TTN: variants seen among roughly 807,000 people sequenced by gnomAD.
The protein encoded by TTN is titin, also known as connectin.
TTN carries 1,525 observed loss-of-function variants against 3,223.0 expected under a neutral mutation model. The observed-to-expected ratio is 0.47, with a 90% CI of 0.45 to 0.49. TTN has a LOEUF of 0.49. Among genes scored for constraint, TTN ranks in the 20% least tolerant of loss-of-function variants. The pLI is 0.00. For missense variants in TTN, 40,786 were observed against 43,424.0 expected (o/e 0.94, Z 5.40); for synonymous variants, 14,094 against 15,161.0 (o/e 0.93, Z 5.17).
chr2:178,591,969 G>A lies in TTN; in HGVS notation c.59926+9C>T, dbSNP rs1213319410. 6.2e-7 allele frequency: 1 copy of A among 1,609,142 alleles called. No homozygotes were observed. The highest frequency in any genetic ancestry group is 8.5e-7 in the Non-Finnish European group (1 of 1,178,626). On this transcript the variant is annotated intron_variant, in intron 302 of 362. Coordinates refer to ENST00000589042, the MANE Select transcript of TTN (RefSeq NM_001267550.2). ...AACAATAGTTTTGTATTCAGAGAAA[G>A]CAACTTACGGAGAGGATCCAAAGCC...
At position 178,610,324 on chromosome 2, in the gene TTN, A is replaced by T. The variant is rs2056011998; in HGVS notation, c.51202T>A (p.Trp17068Arg). The stretch of plus-strand genomic sequence containing the variant: ...CCACCATCAAATTCTGGAGGTTCCC[A>T]AGTTAACTTACAAGAACTCTTGGTA... ...DITKSSCKLT[W>R]EPPEFDGGTP... is the part of the protein sequence containing the mutation. The change falls in exon 271 of 363, where the codon TGG (tryptophan) becomes AGG (arginine). Residue 17068 changes from tryptophan (W) to arginine (R), a missense_variant. Transcript: ENST00000589042. 6.2e-7 allele frequency: 1 copy of T among 1,612,882 alleles called. No homozygotes were observed. The highest frequency in any genetic ancestry group is 2.2e-5 in the East Asian group (1 of 44,710).
chr2:178,614,177 TC>T lies in TTN; in HGVS notation c.49219del (p.Asp16407IlefsTer9). 1 of 1,612,496 alleles carries T rather than the reference TC, an allele frequency of 6.2e-7. No individual in the cohort carries two copies. The highest frequency in any genetic ancestry group is 1.3e-5 in the African/African-American group (1 of 74,952). Reference sequence around the variant, plus strand: ...TAATTTGGTGGCCTTGAAGTTTGTATCCTTGACGGTGGATGAGAGCTTGTGC... The same window carrying T: ...TAATTTGGTGGCCTTGAAGTTTGTATCTTGACGGTGGATGAGAGCTTGTGC... Reference protein sequence around the residue: ...VWHKLSSTVKDTNFKATKLIP... With the variant: ...VWHKLSSTVKXTNFKATKLIP... On this transcript the variant is annotated frameshift_variant, in exon 262 of 363. Transcript: ENST00000589042. LOFTEE classifies it high-confidence loss of function.
At chr2:178,790,977 G>A (rs1399131559) in intron 10 of TTN, 132 bp from the exon 11 acceptor site, 1 of 1,141,396 alleles carries the variant, frequency 8.8e-7, no homozygotes, top group Non-Finnish European at 1.3e-6. Flanking sequence ...CCATTTCAGG[G>A]GCCTACACTT....
In TTN at chr2:178,563,611, T is replaced by C; in HGVS notation, c.82521A>G (p.Glu27507=). The change falls in exon 326 of 363, where the codon GAA becomes GAG. Residue 27507 remains glutamate, a synonymous_variant. Transcript: ENST00000589042. This position sits in a 1 kb window ranked among gnomAD's most constrained non-coding sequence, Gnocchi z 4.5. The part of the protein sequence containing the change: ...GGTEIEGYIL[E]KRDKEGVRWT... ...ATCTAACGCCTTCCTTATCTCGTTT[T>C]TCAAGAATGTAGCCCTCAATTTCGG... is the stretch of plus-strand genomic sequence containing the variant. 2 of 1,613,778 alleles carry C rather than the reference T, an allele frequency of 1.2e-6. No individual in the cohort carries two copies. Among genetic ancestry groups the C allele is most frequent in the Admixed American group, 1.7e-5 (1 of 59,996 alleles).
In TTN at chr2:178,689,128, G is replaced by C. The variant is rs766003250; in HGVS notation, c.32020C>G (p.Leu10674Val). The C allele has an allele frequency of 4.2e-5, 67 of 1,604,480 alleles. No homozygotes were observed. In the East Asian group the frequency reaches 1.2e-3, roughly 29 times the overall value. Residue 10674 changes from leucine (L) to valine (V), a missense_variant, in exon 125 of 363, where the codon CTG (leucine) becomes GTG (valine). Transcript: ENST00000589042. Reference sequence around the variant, plus strand: ...TCCTCTGGGACGGGTTTCTTAGGCAGAGCTGGCACTTTAGAGACATTATGC... The same window carrying C: ...TCCTCTGGGACGGGTTTCTTAGGCACAGCTGGCACTTTAGAGACATTATGC... Reference protein sequence around the residue: ...EVPPPPKVPALPKKPVPEEKV... With the variant: ...EVPPPPKVPAVPKKPVPEEKV...
chr2:178,559,930 A>G lies in TTN; in HGVS notation c.86202T>C (p.Ser28734=), dbSNP rs1289956203. The G allele has an allele frequency of 6.2e-7, 1 of 1,613,800 alleles. No homozygotes were observed. The highest frequency in any genetic ancestry group is 1.7e-4 in the Middle Eastern group (1 of 6,058). ...RVKSVNKVGA[S]DPSDSSDPQI... is the part of the protein sequence containing the mutation. ...GAGGGTCAGAGCTATCACTGGGGTC[A>G]CTAGCACCAACCTTATTGACAGATT... is the stretch of plus-strand genomic sequence containing the variant. The change falls in exon 326 of 363, where the codon AGT becomes AGC. Residue 28734 remains serine (S), a synonymous_variant. Coordinates refer to ENST00000589042, the MANE Select transcript of TTN (RefSeq NM_001267550.2).
In TTN at chr2:178,572,428, A is replaced by C; in HGVS notation, c.73704T>G (p.Thr24568=). 6.2e-7 allele frequency: 1 copy of C among 1,612,906 alleles called. No homozygotes were observed. The highest frequency in any genetic ancestry group is 8.5e-7 in the Non-Finnish European group (1 of 1,179,144). ...AAGTCTTGTGGCAGTTTGTTGCAAC[A>C]GTTGAATATGCTTTTCTTGTTGATT... ...KRESTRKAYS[T]VATNCHKTSW... is the part of the protein sequence containing the mutation. Residue 24568 remains threonine, a synonymous_variant, in exon 326 of 363, where the codon ACT becomes ACG. Coordinates refer to ENST00000589042, the MANE Select transcript of TTN (RefSeq NM_001267550.2).
At chr2:178,750,686 A>G (rs2085214157) in intron 47 of TTN, 2 of 1,612,468 alleles carry the variant, frequency 1.2e-6, no homozygotes, top group African/African-American at 2.7e-5. Context: ...TAATTCTCTC[A>G]AATCATCCTT....
rs886038876 is a variant in TTN at position 178,568,499 on chromosome 2, T to C, written c.77633A>G (p.Gln25878Arg). ...TACAATTTCGATGGATGCTGTCTTC[T>C]GACCAACAACATTGGCAACTGTGAT... ...YGITVANVVGQKTASIEIVTL... is the reference protein window; with the variant it reads ...YGITVANVVGRKTASIEIVTL... The change falls in exon 326 of 363, where the codon CAG becomes CGG. Residue 25878 changes from glutamine (Q) to arginine (R), a missense_variant. Physicochemically the swap from Gln to Arg is conservative, Grantham distance 43 (BLOSUM62 1). Transcript: ENST00000589042. The C allele has an allele frequency of 6.2e-7, 1 of 1,613,452 alleles. No homozygotes were observed. The highest frequency in any genetic ancestry group is 8.5e-7 in the Non-Finnish European group (1 of 1,179,584).
intron 13 of TTN, among the ~76,000 whole-genome samples, 156 bp from the exon 14 acceptor site, chr2:178,786,297 T>C (rs2093177131): frequency 6.6e-6 from 1 of 152,198 alleles, no homozygotes; most frequent in Admixed American, 6.5e-5. Flanking sequence ...ACTATTTCAT[T>C]GATTATTATA....
At position 178,798,394 on chromosome 2, in the gene TTN, T is replaced by G. The variant is rs2093884092; in HGVS notation, c.914+1093A>C. 4.6e-5 allele frequency: 7 copies of G among 152,186 alleles called. No homozygotes were observed. In the South Asian group the frequency reaches 1.4e-3, roughly 32 times the overall value. The allele number at this position is 152,186 out of a possible 1,614,324, so 9.4% of individuals were successfully genotyped here. On this transcript the variant is annotated intron_variant, in intron 6 of 362. Transcript: ENST00000589042. ...ACAATTTACACTTGATTATATAATT[T>G]CTGAGCCCTGATCATGATACATGAT...
At chr2:178,649,446 G>A (rs2062563193) in intron 212 of TTN, 108 bp downstream of exon 212, 11 of 1,356,960 alleles carry the variant, frequency 8.1e-6, no homozygotes, top group Non-Finnish European at 1.1e-5. Context: ...GCAAAATAAG[G>A]AAATTTTTGT....
chr2:178,799,460 A>C (rs992863674), intron 6 of TTN, 27 bp downstream of exon 6: 1 of 1,613,712 alleles, frequency 6.2e-7, no homozygotes, highest in Non-Finnish European at 8.5e-7. Context: ...AATGTGCAAT[A>C]ATCTGCTCTC....
intron 92 of TTN, 45 bp from the exon 93 acceptor site, chr2:178,713,417 C>A (rs916726237): frequency 9.9e-6 from 13 of 1,316,218 alleles, no homozygotes; most frequent in South Asian, 8.5e-5. Flanking sequence ...ACAAAAAAAA[C>A]AAAGGACAAC....
At chr2:178,749,883 C>G in intron 47 of TTN, 1 of 1,612,996 alleles carries the variant, frequency 6.2e-7, no homozygotes, top group Non-Finnish European at 8.5e-7. Flanking sequence ...ATGGAATCCC[C>G]TTCTCTACAC....
intron 88 of TTN, among the ~76,000 whole-genome samples, chr2:178,716,408 T>C (rs1174884517): frequency 6.6e-6 from 1 of 152,162 alleles, no homozygotes; most frequent in African/African-American, 2.4e-5. Flanking sequence ...GCAAATGGGC[T>C]GCTAAATCTA....
At chr2:178,705,461 T>C in intron 102 of TTN, 104 bp from the exon 103 acceptor site, 1 of 895,072 alleles carries the variant, frequency 1.1e-6, no homozygotes, top group Non-Finnish European at 1.6e-6. Context: ...TTTTCTATGT[T>C]CTTTATTCAA....
intron 77 of TTN, 39 bp from the exon 78 acceptor site, chr2:178,722,173 T>A: frequency 6.5e-7 from 1 of 1,528,914 alleles, no homozygotes; most frequent in Admixed American, 2.2e-5. Flanking sequence ...ATTTTTTGTT[T>A]GTTTTTTTGC....
Position 178,546,190 on chromosome 2 carries a change from TGA to T in TTN, c.95119+20_95119+21del, listed in dbSNP as rs1697036602. 1 of 1,596,918 alleles carries T rather than the reference TGA, an allele frequency of 6.3e-7. No homozygotes were observed. The highest frequency in any genetic ancestry group is 8.5e-7 in the Non-Finnish European group (1 of 1,170,446). ...CACACTGGAAAATGCTATATAAATG[TGA>T]GAACATTTGACATGCTTACCAAGCA... On this transcript the variant is annotated intron_variant, in intron 342 of 362. Coordinates refer to ENST00000589042, the MANE Select transcript of TTN (RefSeq NM_001267550.2).
Sources: gnomAD v4.1 joint callset for allele counts (sites outside exome capture counted in the v4.1 genomes callset) on GRCh38, gnomAD v4.1.1 for gene constraint, Gnocchi (gnomAD v3.1) non-coding constraint, MANE v1.5 for transcripts, NCBI Gene and HGNC (gene_info 2026-07-23, HGNC 2026-07-21) for gene names.